Variants in CHST8 observed in about 807,000 individuals in gnomAD.
The protein encoded by CHST8 is carbohydrate sulfotransferase 8.
A neutral mutation model predicts 15.0 loss-of-function variants in CHST8; 10 were observed. The ratio of observed to expected loss-of-function variants is 0.67; its 90% CI spans 0.41 to 1.13. CHST8 has a LOEUF of 1.13. Among genes scored for constraint, CHST8 ranks in the 50% most tolerant of loss-of-function variants. The pLI, the probability that CHST8 is intolerant of heterozygous loss-of-function variation, is 0.00. For missense variants in CHST8, 634 were observed against 608.2 expected (o/e 1.04, Z -0.45); for synonymous variants, 259 against 256.6 (o/e 1.01, Z -0.09).
chr19:33,718,359 C>T (rs1973704997), intron 3 of CHST8, among the ~76,000 whole-genome samples: 1 of 152,054 alleles, frequency 6.6e-6, no homozygotes, highest in African/African-American at 2.4e-5. Flanking sequence ...GCTGGGATTA[C>T]AGGCGTGAGC....
chr19:33,727,515 G>A (rs952628786), intron 3 of CHST8, among the ~76,000 whole-genome samples: 4 of 152,200 alleles, frequency 2.6e-5, no homozygotes, highest in African/African-American at 7.2e-5. Flanking sequence ...AGAGTCTGCC[G>A]TGGTCAGGCC....
At chr19:33,714,774 C>T (rs1973633666) in intron 3 of CHST8, among the ~76,000 whole-genome samples, 1 of 152,206 alleles carries the variant, frequency 6.6e-6, no homozygotes, top group African/African-American at 2.4e-5. Flanking sequence ...AGGGGAATTT[C>T]CCACACAGTC....
chr19:33,666,646 A>G (rs1461297010), intron 1 of CHST8, among the ~76,000 whole-genome samples: 3 of 152,138 alleles, frequency 2.0e-5, no homozygotes, highest in Non-Finnish European at 4.4e-5. Context: ...TCTTGTTAGT[A>G]AGATTTGAAG....
intron 3 of CHST8, among the ~76,000 whole-genome samples, chr19:33,729,390 C>T (rs868186996): frequency 6.6e-6 from 1 of 152,344 alleles, no homozygotes; most frequent in Non-Finnish European, 1.5e-5. Flanking sequence ...CTTCTTTCAG[C>T]GTGAGCAAGC....
chr19:33,763,232 C>T (rs1431647449), intron 3 of CHST8, among the ~76,000 whole-genome samples: 1 of 152,198 alleles, frequency 6.6e-6, no homozygotes, highest in Non-Finnish European at 1.5e-5. Context: ...GGTGGTCCTC[C>T]GCGTGGTCCA....
intron 3 of CHST8, among the ~76,000 whole-genome samples, chr19:33,728,172 C>G (rs902930576): frequency 1.3e-5 from 2 of 152,260 alleles, no homozygotes; most frequent in Admixed American, 6.5e-5. Context: ...TCAGACTACT[C>G]AGTTACTCTT....
chr19:33,710,913 A>G (rs927643856), intron 3 of CHST8, among the ~76,000 whole-genome samples: 2 of 148,120 alleles, frequency 1.4e-5, no homozygotes, highest in East Asian at 3.9e-4. Flanking sequence ...TCACTCTGTC[A>G]CCCAGACTGG....
rs114472277 is a variant in CHST8 at position 33,680,489 on chromosome 19, C to T, written c.-86-8687C>T. ...TGTCAAGTTCATTATCCATGGATCA[C>T]GTCAGCCCTCTTCAAGGTTCCTCAC... On this transcript the variant is annotated intron_variant, in intron 2 of 4. Coordinates refer to ENST00000650847, the MANE Select transcript of CHST8 (RefSeq NM_001127895.2). Among the ~76,000 whole-genome samples the T allele has an allele frequency of 4.3e-3, 660 of 152,304 alleles. 6 individuals carry two copies. Among genetic ancestry groups the T allele is most frequent in the African/African-American group, 0.015 (626 of 41,560 alleles).
At chr19:33,694,210 ATATATATATAAT>A (rs1283059575) in intron 3 of CHST8, among the ~76,000 whole-genome samples, 36 of 86,342 alleles carry the variant, frequency 4.2e-4, no homozygotes, top group African/African-American at 1.7e-3. Flanking sequence ...ATATATATAT[ATATATATATAAT>A]GTTACCATAC....
At chr19:33,738,160 G>A (rs1974120410) in intron 3 of CHST8, among the ~76,000 whole-genome samples, 1 of 152,142 alleles carries the variant, frequency 6.6e-6, no homozygotes, top group Non-Finnish European at 1.5e-5. Context: ...GGATTTGGGG[G>A]TTCTGTGACC....
intron 3 of CHST8, among the ~76,000 whole-genome samples, chr19:33,708,940 ATCTT>A (rs1973497391): frequency 6.6e-6 from 1 of 152,174 alleles, no homozygotes; most frequent in African/African-American, 2.4e-5. Flanking sequence ...TACAAGTCTT[ATCTT>A]TCTTTAGTTA....
chr19:33,735,752 G>A (rs2010022), intron 3 of CHST8, among the ~76,000 whole-genome samples: 15,566 of 152,280 alleles, frequency 0.1, 1,026 homozygotes, highest in South Asian at 0.17. Context: ...ATTTGAACCC[G>A]GAGGGTAGAG....
intron 1 of CHST8, among the ~76,000 whole-genome samples, chr19:33,633,614 T>G (rs1455010396): frequency 6.6e-6 from 1 of 151,788 alleles, no homozygotes; most frequent in African/African-American, 2.4e-5. Context: ...CCCAGGCTGG[T>G]CCTGAACTCC....
intron 3 of CHST8, among the ~76,000 whole-genome samples, chr19:33,704,020 C>T (rs1056927855): frequency 3.3e-5 from 5 of 152,236 alleles, no homozygotes; most frequent in East Asian, 1.9e-4. Context: ...AGAGGGAAGT[C>T]GGGGGCTGCC....
chr19:33,695,331 C>A (rs534851159), intron 3 of CHST8, among the ~76,000 whole-genome samples: 1 of 152,170 alleles, frequency 6.6e-6, no homozygotes, highest in Non-Finnish European at 1.5e-5. Flanking sequence ...AGCAACAATA[C>A]TGATACTAGC....
intron 2 of CHST8, among the ~76,000 whole-genome samples, chr19:33,683,176 C>A (rs1283616531): frequency 6.6e-6 from 1 of 152,228 alleles, no homozygotes; most frequent in Non-Finnish European, 1.5e-5. Context: ...CAGACCCCAC[C>A]TCCAACACTG....
chr19:33,712,580 T>G (rs1318912592), intron 3 of CHST8, among the ~76,000 whole-genome samples: 1 of 152,000 alleles, frequency 6.6e-6, no homozygotes, highest in East Asian at 1.9e-4. Context: ...AAGCGAACAG[T>G]GGGGAGAGGA....
rs185038166 is a variant in CHST8, at chr19:33,687,662, C to T, written c.-86-1514C>T. Among the ~76,000 whole-genome samples, 74 of 152,286 alleles carry T rather than the reference C, an allele frequency of 4.9e-4. No individual in the cohort carries two copies. In the East Asian group the frequency reaches 0.014, roughly 29 times the overall value. The stretch of plus-strand genomic sequence containing the variant: ...CTGAGTGAAAAAATAATTATAGAAA[C>T]TGCAGAGGGGAGAAACCCAAACCTG... On this transcript the variant is annotated intron_variant, in intron 2 of 4. Coordinates refer to ENST00000650847, the MANE Select transcript of CHST8 (RefSeq NM_001127895.2).
At chr19:33,643,963 C>T (rs930206738) in intron 1 of CHST8, among the ~76,000 whole-genome samples, 3 of 152,128 alleles carry the variant, frequency 2.0e-5, no homozygotes, top group Admixed American at 1.3e-4. Context: ...AACGGAGTCT[C>T]GCTCTGTCAC....
Sources: allele counts gnomAD v4.1 joint callset (sites outside exome capture counted in the v4.1 genomes callset), GRCh38; gene constraint gnomAD v4.1.1; transcripts MANE v1.5; gene names NCBI Gene and HGNC (gene_info 2026-07-23, HGNC 2026-07-21).